Variants in PTPRD observed in about 807,000 individuals in gnomAD.
The protein encoded by PTPRD is protein tyrosine phosphatase receptor type D, also known as receptor-type tyrosine-protein phosphatase delta.
In PTPRD, 34 loss-of-function variants were observed where a neutral mutation model predicts 214.5. The ratio of observed to expected loss-of-function variants is 0.16; its 90% CI spans 0.12 to 0.21. The LOEUF (loss-of-function observed/expected upper bound fraction) is 0.21, where lower values mean the gene tolerates loss of function less well. Ranked by LOEUF, PTPRD falls within the 10% of genes least tolerant of loss-of-function variation. The probability of loss-of-function intolerance (pLI) is 1.00; values close to 1 mark genes in which losing one functional copy is unlikely to be tolerated. For missense variants in PTPRD, 2,545 were observed against 2,398.7 expected, an observed-to-expected ratio of 1.06 and a Z score of -1.27; for synonymous variants, 1,128 against 845.7, an observed-to-expected ratio of 1.33 and a Z score of -5.79.
At chr9:10,096,322 A>G (rs1448476032) in intron 3 of PTPRD, among the ~76,000 whole-genome samples, 17 of 151,824 alleles carry the variant, frequency 1.1e-4, no homozygotes, top group African/African-American at 4.1e-4. Flanking sequence ...AACATTCTCT[A>G]TACATCACCC....
At chr9:8,693,231 T>A (rs1034874145) in intron 12 of PTPRD, among the ~76,000 whole-genome samples, 1 of 152,164 alleles carries the variant, frequency 6.6e-6, no homozygotes, top group African/African-American at 2.4e-5. Context: ...GCTCTGTAAA[T>A]CCTGTCTACT....
At chr9:10,081,916 A>G (rs1348552849) in intron 3 of PTPRD, among the ~76,000 whole-genome samples, 2 of 152,066 alleles carry the variant, frequency 1.3e-5, no homozygotes, top group Admixed American at 1.3e-4. Flanking sequence ...ACAGCATAAT[A>G]CAGTCATAAC....
chr9:10,208,119 A>G (rs778972241), intron 3 of PTPRD, among the ~76,000 whole-genome samples: 1 of 152,236 alleles, frequency 6.6e-6, no homozygotes, highest in Non-Finnish European at 1.5e-5. Flanking sequence ...AACCTATGTA[A>G]TGAGGACTTT....
intron 6 of PTPRD, among the ~76,000 whole-genome samples, chr9:9,747,845 A>G (rs1596613787): frequency 6.6e-6 from 1 of 152,100 alleles, no homozygotes; most frequent in East Asian, 1.9e-4. Flanking sequence ...GAGCCACTGC[A>G]CCTGGCCTGA....
At chr9:9,590,268 A>C (rs1286297869) in intron 7 of PTPRD, among the ~76,000 whole-genome samples, 8 of 152,062 alleles carry the variant, frequency 5.3e-5, no homozygotes, top group Admixed American at 5.3e-4. Context: ...TTATGACAGA[A>C]TGTGAGCTCC....
chr9:9,887,257 C>T (rs2071302950), intron 5 of PTPRD, among the ~76,000 whole-genome samples: 1 of 152,050 alleles, frequency 6.6e-6, no homozygotes, highest in Non-Finnish European at 1.5e-5. Flanking sequence ...CACCAATAAA[C>T]CATGAAAATT....
intron 35 of PTPRD, among the ~76,000 whole-genome samples, chr9:8,410,987 T>C (rs2093467526): frequency 6.7e-6 from 1 of 148,666 alleles, no homozygotes; most frequent in Non-Finnish European, 1.5e-5. Flanking sequence ...GATGAATTAG[T>C]TTATTTCACT....
intron 11 of PTPRD, among the ~76,000 whole-genome samples, chr9:8,921,831 T>C (rs1200434497): frequency 1.3e-5 from 2 of 152,112 alleles, no homozygotes; most frequent in African/African-American, 4.8e-5. Context: ...CAGCATAATC[T>C]TGGGGGAGCC....
At chr9:9,962,155 G>A (rs536596922) in intron 4 of PTPRD, among the ~76,000 whole-genome samples, 1 of 152,054 alleles carries the variant, frequency 6.6e-6, no homozygotes, top group Non-Finnish European at 1.5e-5. Context: ...ATACTGTTAA[G>A]CTTTCTAAAA....
intron 39 of PTPRD, among the ~76,000 whole-genome samples, chr9:8,351,296 TG>T (rs1347447162): frequency 6.6e-6 from 1 of 152,162 alleles, no homozygotes; most frequent in Non-Finnish European, 1.5e-5. Context: ...CACATGTTAA[TG>T]CACAAAACAT....
At chr9:9,493,913 A>G (rs1457670849) in intron 8 of PTPRD, among the ~76,000 whole-genome samples, 5 of 152,206 alleles carry the variant, frequency 3.3e-5, no homozygotes, top group African/African-American at 1.2e-4. Flanking sequence ...CCTTGCAGAA[A>G]AAATTTAGAT....
At chr9:10,011,506 CTACTT>C (rs1222574561) in intron 4 of PTPRD, among the ~76,000 whole-genome samples, 1 of 151,918 alleles carries the variant, frequency 6.6e-6, no homozygotes, top group African/African-American at 2.4e-5. Flanking sequence ...ATTGACTCCT[CTACTT>C]TATTTAACAA....
chr9:8,743,215 G>C (rs973435077), intron 11 of PTPRD, among the ~76,000 whole-genome samples: 2 of 152,098 alleles, frequency 1.3e-5, no homozygotes, highest in African/African-American at 4.8e-5. Context: ...TGAATTTCTG[G>C]GCATGGGAAT....
At chr9:10,066,727 C>G (rs563434387) in intron 3 of PTPRD, among the ~76,000 whole-genome samples, 7 of 151,906 alleles carry the variant, frequency 4.6e-5, no homozygotes, top group African/African-American at 1.7e-4. Flanking sequence ...GAGCAGTACA[C>G]ACTCTTTGAC....
At chr9:8,706,357 T>G (rs1392746436) in intron 12 of PTPRD, among the ~76,000 whole-genome samples, 1 of 152,200 alleles carries the variant, frequency 6.6e-6, no homozygotes, top group Non-Finnish European at 1.5e-5. Context: ...ATTATTGTAG[T>G]TATTGGATTA....
intron 11 of PTPRD, among the ~76,000 whole-genome samples, chr9:8,745,939 T>C (rs2092748192): frequency 6.6e-6 from 1 of 152,136 alleles, no homozygotes; most frequent in Non-Finnish European, 1.5e-5. Flanking sequence ...CCGGGAATAC[T>C]GGCAAGTGCC....
At chr9:9,653,038 A>T (rs186474155) in intron 7 of PTPRD, among the ~76,000 whole-genome samples, 1 of 150,838 alleles carries the variant, frequency 6.6e-6, no homozygotes, top group East Asian at 1.9e-4. Context: ...CCTTCAAATA[A>T]TGCCCTTTAA....
intron 5 of PTPRD, among the ~76,000 whole-genome samples, chr9:9,923,336 CAA>C (rs746113530): frequency 4.1e-5 from 6 of 147,220 alleles, no homozygotes; most frequent in Non-Finnish European, 9.0e-5. Context: ...AAGAAAGACA[CAA>C]AGAGATGGAA....
intron 11 of PTPRD, among the ~76,000 whole-genome samples, chr9:8,992,690 C>T (rs556862992): frequency 1.2e-4 from 18 of 152,204 alleles, no homozygotes; most frequent in African/African-American, 4.1e-4. Flanking sequence ...AGAGCCTACA[C>T]CTTTCAAAAT....
Sources: allele counts gnomAD v4.1 joint callset (sites outside exome capture counted in the v4.1 genomes callset), GRCh38; gene constraint gnomAD v4.1.1; transcripts MANE v1.5; gene names NCBI Gene and HGNC (gene_info 2026-07-23, HGNC 2026-07-21).